The following DPP6 variants were observed in gnomAD, a reference collection of about 807,000 sequenced individuals.
The protein encoded by DPP6 is A-type potassium channel modulatory protein DPP6.
A neutral mutation model predicts 122.6 loss-of-function variants in DPP6; 69 were observed. That is an observed-to-expected ratio of 0.56 (90% confidence interval 0.46 to 0.69). DPP6 has a LOEUF of 0.69. DPP6 is among the 30% of genes least tolerant of loss of function. The probability of loss-of-function intolerance (pLI) is 0.00; values close to 1 mark genes in which losing one functional copy is unlikely to be tolerated. For missense variants in DPP6, 928 were observed against 1,116.9 expected, an observed-to-expected ratio of 0.83 and a Z score of 2.41; for synonymous variants, 418 against 433.1, an observed-to-expected ratio of 0.97 and a Z score of 0.43.
intron 1 of DPP6, chr7:154,058,921 CT>C (rs1801225290): frequency 6.6e-6 from 1 of 151,378 alleles, no homozygotes; most frequent in Non-Finnish European, 1.5e-5. Flanking sequence ...TCTTCCGCCC[CT>C]GGCTGTTAGT....
intron 5 of DPP6, chr7:154,587,708 T>G: frequency 6.4e-7 from 1 of 1,552,850 alleles, no homozygotes; most frequent in African/African-American, 1.4e-5. Flanking sequence ...TGTGACTCAT[T>G]AGCAGTAAGT....
intron 1 of DPP6, among the ~76,000 whole-genome samples, chr7:154,263,725 T>C (rs1232355604): frequency 6.6e-6 from 1 of 152,182 alleles, no homozygotes; most frequent in Non-Finnish European, 1.5e-5. Context: ...TCTCACTCTG[T>C]CACCCAGGCT....
chr7:154,694,798 T>C (rs976431289), intron 7 of DPP6, among the ~76,000 whole-genome samples: 6 of 152,120 alleles, frequency 3.9e-5, no homozygotes, highest in Non-Finnish European at 7.3e-5. Flanking sequence ...TCCCAGGACA[T>C]TCATGCTGAT....
At chr7:154,889,192 T>G (rs779702969) in intron 23 of DPP6, 80 bp from the exon 24 acceptor site, 1 of 1,540,948 alleles carries the variant, frequency 6.5e-7, no homozygotes. Context: ...ACCTACCTTC[T>G]CAGTCAGGTT....
chr7:154,702,780 G>A (rs895562745), intron 7 of DPP6, among the ~76,000 whole-genome samples: 1 of 152,266 alleles, frequency 6.6e-6, no homozygotes, highest in Admixed American at 6.5e-5. Flanking sequence ...AAGTTATTCA[G>A]AAGATCCAGC....
intron 1 of DPP6, among the ~76,000 whole-genome samples, chr7:154,215,795 C>A (rs752732523): frequency 6.6e-6 from 1 of 152,066 alleles, no homozygotes; most frequent in Admixed American, 6.5e-5. Flanking sequence ...CCTAGAGCAC[C>A]TTCCCCTCTC....
At chr7:154,042,740 A>G (rs1422527334) in intron 1 of DPP6, among the ~76,000 whole-genome samples, 1 of 152,246 alleles carries the variant, frequency 6.6e-6, no homozygotes, top group Non-Finnish European at 1.5e-5. Context: ...CTAGAATTGC[A>G]TTACATTTAG....
chr7:154,190,921 T>A (rs577845397), intron 1 of DPP6, among the ~76,000 whole-genome samples: 2 of 152,344 alleles, frequency 1.3e-5, no homozygotes, highest in South Asian at 4.1e-4. Context: ...CATTATCAGC[T>A]GTTTTCAAAG....
chr7:154,482,585 AT>A (rs1448014932), intron 3 of DPP6, among the ~76,000 whole-genome samples: 1 of 152,240 alleles, frequency 6.6e-6, no homozygotes, highest in Non-Finnish European at 1.5e-5. Context: ...AATAACATAT[AT>A]TGAATAATAC....
At chr7:153,927,441 C>A (rs897347405) in intron 1 of DPP6, among the ~76,000 whole-genome samples, 1 of 152,152 alleles carries the variant, frequency 6.6e-6, no homozygotes. Context: ...TTGGTGGACA[C>A]CCTTTAATTC....
intron 3 of DPP6, among the ~76,000 whole-genome samples, chr7:154,503,526 T>G (rs187506685): frequency 1.3e-4 from 20 of 152,316 alleles, no homozygotes; most frequent in Admixed American, 5.2e-4. Flanking sequence ...CCACCATAAA[T>G]GACATTAAAG....
intron 1 of DPP6, among the ~76,000 whole-genome samples, chr7:153,915,342 A>G (rs1011336604): frequency 3.9e-5 from 6 of 152,022 alleles, no homozygotes; most frequent in African/African-American, 1.4e-4. Context: ...TCCTACCCCC[A>G]TGCCAAGCTG....
intron 1 of DPP6, among the ~76,000 whole-genome samples, chr7:154,261,453 A>G (rs1205507860): frequency 6.6e-6 from 1 of 152,244 alleles, no homozygotes; most frequent in Non-Finnish European, 1.5e-5. Flanking sequence ...ATAACATCAT[A>G]AAAACCCTTC....
At chr7:154,591,038 A>G (rs1832783090) in intron 5 of DPP6, among the ~76,000 whole-genome samples, 1 of 152,150 alleles carries the variant, frequency 6.6e-6, no homozygotes, top group Admixed American at 6.5e-5. Flanking sequence ...AGCTTAGACT[A>G]GGGAGCAAAA....
chr7:154,799,158 G>A (rs1415724894), intron 12 of DPP6, among the ~76,000 whole-genome samples: 5 of 152,212 alleles, frequency 3.3e-5, no homozygotes, highest in African/African-American at 1.2e-4. Context: ...TGCAAGAACA[G>A]AGGTGAGTTG....
chr7:154,526,233 A>G (rs1827396943), intron 3 of DPP6, among the ~76,000 whole-genome samples: 1 of 152,194 alleles, frequency 6.6e-6, no homozygotes, highest in African/African-American at 2.4e-5. Flanking sequence ...TATCTTTAAG[A>G]TAATATCTTT....
At chr7:154,098,914 A>C (rs1805533204) in intron 1 of DPP6, among the ~76,000 whole-genome samples, 1 of 152,268 alleles carries the variant, frequency 6.6e-6, no homozygotes, top group Non-Finnish European at 1.5e-5. Context: ...TTGCCCCATA[A>C]AATGTCTACA....
intron 5 of DPP6, among the ~76,000 whole-genome samples, chr7:154,634,681 T>C (rs1364992243): frequency 1.3e-5 from 2 of 152,000 alleles, no homozygotes; most frequent in Non-Finnish European, 2.9e-5. Context: ...CCCCTTCTCC[T>C]TCTCCTTCGT....
At chr7:154,079,128 A>G (rs1563176772) in intron 1 of DPP6, among the ~76,000 whole-genome samples, 4 of 152,030 alleles carry the variant, frequency 2.6e-5, no homozygotes, top group Non-Finnish European at 4.4e-5. Context: ...TTTGTGGTGC[A>G]TGCCCACAGT....
Sources: allele counts gnomAD v4.1 joint callset (sites outside exome capture counted in the v4.1 genomes callset), GRCh38; gene constraint gnomAD v4.1.1; transcripts MANE v1.5; gene names NCBI Gene and HGNC (gene_info 2026-07-23, HGNC 2026-07-21).